The following TMEM117 variants were observed in gnomAD, a reference collection of about 807,000 sequenced individuals.
The protein encoded by TMEM117 is transmembrane protein 117.
In TMEM117, 27 loss-of-function variants were observed where a neutral mutation model predicts 52.4. That is an observed-to-expected ratio of 0.51 (90% confidence interval 0.38 to 0.71). TMEM117 has a LOEUF of 0.71. Ranked by LOEUF, TMEM117 falls within the 30% of genes least tolerant of loss-of-function variation. TMEM117 has a pLI of 0.00. For missense variants in TMEM117, 556 were observed against 630.5 expected, an observed-to-expected ratio of 0.88 and a Z score of 1.26; for synonymous variants, 215 against 206.3, an observed-to-expected ratio of 1.04 and a Z score of -0.36.
the TMEM117 span, chr12:43,797,512 CAT>C: frequency 7.0e-7 from 1 of 1,426,370 alleles, no homozygotes; most frequent in Non-Finnish European, 9.4e-7. Flanking sequence ...TAAGTTAAAA[CAT>C]ATAATAAAAA....
chr12:44,117,553 A>G (rs934017827), intron 3 of TMEM117, among the ~76,000 whole-genome samples: 2 of 152,100 alleles, frequency 1.3e-5, no homozygotes, highest in Non-Finnish European at 2.9e-5. Context: ...TTGTCACTGC[A>G]TTGGCTCATG....
At chr12:43,804,465 A>G in the TMEM117 span, 1 of 1,393,880 alleles carries the variant, frequency 7.2e-7, no homozygotes, top group South Asian at 1.2e-5. Flanking sequence ...TAATCCAGGA[A>G]CAGAAAATAT....
intron 5 of TMEM117, among the ~76,000 whole-genome samples, chr12:44,240,882 G>A (rs1307033499): frequency 6.6e-6 from 1 of 151,952 alleles, no homozygotes; most frequent in Non-Finnish European, 1.5e-5. Context: ...TTTAGCTCTT[G>A]GGCCAAAGGG....
chr12:43,899,328 CAATT>C (rs1440361409), intron 2 of TMEM117, among the ~76,000 whole-genome samples: 1 of 152,158 alleles, frequency 6.6e-6, no homozygotes, highest in Non-Finnish European at 1.5e-5. Flanking sequence ...ACCACAGTGA[CAATT>C]TATGTTGATA....
intron 3 of TMEM117, among the ~76,000 whole-genome samples, chr12:44,043,333 C>T (rs937470479): frequency 2.6e-5 from 4 of 152,190 alleles, no homozygotes; most frequent in East Asian, 1.9e-4. Context: ...TGACCTGCAA[C>T]GAAAGATGGA....
intron 2 of TMEM117, among the ~76,000 whole-genome samples, chr12:43,902,827 A>C (rs1351622834): frequency 6.6e-6 from 1 of 152,224 alleles, no homozygotes; most frequent in Non-Finnish European, 1.5e-5. Flanking sequence ...ATTTCAGCAT[A>C]ATCTTAAAAA....
At chr12:43,993,715 G>T (rs781099226) in intron 3 of TMEM117, among the ~76,000 whole-genome samples, 10 of 151,894 alleles carry the variant, frequency 6.6e-5, no homozygotes, top group Non-Finnish European at 1.0e-4. Flanking sequence ...ATTTTTTTGA[G>T]ACAGGGTCTC....
chr12:43,895,564 A>G (rs1944185730), intron 2 of TMEM117, among the ~76,000 whole-genome samples: 1 of 152,212 alleles, frequency 6.6e-6, no homozygotes, highest in Non-Finnish European at 1.5e-5. Context: ...GCTGTGGGGA[A>G]TACAAAGGTG....
At chr12:44,364,850 G>A (rs1951768893) in intron 6 of TMEM117, among the ~76,000 whole-genome samples, 1 of 152,064 alleles carries the variant, frequency 6.6e-6, no homozygotes, top group Non-Finnish European at 1.5e-5. Context: ...TATGTTGGGA[G>A]TACAAATCTT....
Position 44,376,632 on chromosome 12 carries a change from T to A in TMEM117, c.806T>A (p.Val269Glu). ...CCACATTTCATGGGAGATGTTGATG[T>A]AAATCTCCCTGGTTTGCACACCCCT... ...EFPHFMGDVD[V>E]NLPGLHTPHM... The change falls in exon 7 of 8, where the codon GTA (valine) becomes GAA (glutamate). Residue 269 changes from valine (V) to glutamate (E), a missense_variant. This residue lies in a region of TMEM117 where 328 missense variants were observed against 371.4 expected (regional missense o/e 0.88). Transcript: ENST00000266534. 2 of 1,609,596 alleles carry A rather than the reference T, an allele frequency of 1.2e-6. No homozygotes were observed. The highest frequency in any genetic ancestry group is 1.7e-6 in the Non-Finnish European group (2 of 1,178,538).
intron 3 of TMEM117, among the ~76,000 whole-genome samples, chr12:43,958,957 C>T (rs12318365): frequency 0.15 from 22,281 of 151,998 alleles, 2,179 homozygotes; most frequent in African/African-American, 0.28. Context: ...CAGGCGCCCA[C>T]CACCACGCCC....
At chr12:44,057,652 A>G (rs1947077814) in intron 3 of TMEM117, among the ~76,000 whole-genome samples, 1 of 152,282 alleles carries the variant, frequency 6.6e-6, no homozygotes, top group Admixed American at 6.5e-5. Flanking sequence ...CTCAAAAAAA[A>G]AAAAGAATAT....
intron 6 of TMEM117, among the ~76,000 whole-genome samples, chr12:44,359,773 G>C (rs1337475031): frequency 6.6e-6 from 1 of 151,838 alleles, no homozygotes; most frequent in African/African-American, 2.4e-5. Flanking sequence ...TAACATGTAA[G>C]TGAAAAAAAG....
the TMEM117 span, chr12:43,802,603 G>A: frequency 4.6e-6 from 3 of 649,694 alleles, no homozygotes; most frequent in South Asian, 6.4e-5. Flanking sequence ...GAAAAATGTG[G>A]TAACATAGAA....
chr12:44,234,834 A>G (rs1023955154), intron 5 of TMEM117, among the ~76,000 whole-genome samples: 7 of 151,492 alleles, frequency 4.6e-5, no homozygotes, highest in African/African-American at 1.4e-4. Context: ...AACATTTTGA[A>G]ATTTGTCAAG....
chr12:44,036,489 A>G (rs1312066345), intron 3 of TMEM117, among the ~76,000 whole-genome samples: 1 of 152,236 alleles, frequency 6.6e-6, no homozygotes, highest in East Asian at 1.9e-4. Context: ...ACTTGATATC[A>G]TACTCATACA....
downstream of TMEM117, among the ~76,000 whole-genome samples, chr12:44,390,194 T>C (rs1306290256): frequency 7.2e-6 from 1 of 138,914 alleles, no homozygotes; most frequent in Non-Finnish European, 1.5e-5. Flanking sequence ...ATCATAAACA[T>C]ATCTGACACA....
intron 2 of TMEM117, among the ~76,000 whole-genome samples, chr12:43,845,916 G>A (rs545309216): frequency 5.3e-5 from 8 of 152,190 alleles, no homozygotes; most frequent in South Asian, 2.1e-4. Context: ...TGATATATAC[G>A]TAATCTTATT....
Position 44,087,207 on chromosome 12 carries a change from T to C in TMEM117, c.411-56318T>C, listed in dbSNP as rs965762013. Among the ~76,000 whole-genome samples, 4 of 151,886 alleles carry C rather than the reference T, an allele frequency of 2.6e-5. No individual in the cohort carries two copies. The East Asian group carries it at 5.8e-4, about 22-fold the overall frequency. On this transcript the variant is annotated intron_variant, in intron 3 of 7. Transcript: ENST00000266534. ...AAATTATGTACAATTATATTATTAA[T>C]TTCACAAAATAAAATAGCTCAGTCA...
Sources: allele counts gnomAD v4.1 joint callset (sites outside exome capture counted in the v4.1 genomes callset), GRCh38; gene constraint gnomAD v4.1.1; regional missense constraint gnomAD v4.1.1; transcripts MANE v1.5; gene names NCBI Gene and HGNC (gene_info 2026-07-23, HGNC 2026-07-21).